The following RPS7 variants were observed in gnomAD, a reference collection of about 807,000 sequenced individuals.
RPS7 encodes the protein ribosomal protein S7.
Under a neutral mutation model 22.1 loss-of-function variants are expected in RPS7, and 1 was observed. The ratio of observed to expected loss-of-function variants is 0.05; its 90% CI spans 0.02 to 0.21. The LOEUF is 0.21. RPS7 is among the 10% of genes least tolerant of loss of function. RPS7 has a pLI of 1.00. For missense variants in RPS7, 137 were observed against 246.4 expected (o/e 0.56, Z 2.97); for synonymous variants, 80 against 92.0 (o/e 0.87, Z 0.74).
In RPS7 at chr2:3,575,449, G is replaced by A. The variant is rs1008229826; in HGVS notation, c.-19+99G>A. 1.7e-5 allele frequency: 11 copies of A among 650,546 alleles called. No individual in the cohort carries two copies. In the African/African-American group the frequency reaches 1.8e-4, roughly 11 times the overall value. The allele number at this position is 650,546 out of a possible 1,614,324, so 40.3% of individuals were successfully genotyped here. A position where few individuals can be genotyped will look rare whatever the true frequency, so the allele number is the denominator to read the frequency against. ...TGGAGGGGCGAGCCTTGCTCACAGG[G>A]TGGGGATACAGCCGATTACCCGCCC... On this transcript the variant is annotated intron_variant, in intron 1 of 6. Transcript: ENST00000645674.
chr2:3,575,567 G>T (rs935283879), intron 1 of RPS7, 25 bp from the exon 2 acceptor site: 6 of 1,569,176 alleles, frequency 3.8e-6, no homozygotes, highest in Non-Finnish European at 4.4e-6. Flanking sequence ...CCCGGGCCGC[G>T]TAACGCTGAC....
In RPS7 at chr2:3,576,597, G is replaced by T; in HGVS notation, c.258G>T (p.Lys86Asn). The T allele has an allele frequency of 6.2e-7, 1 of 1,614,190 alleles. No individual in the cohort carries two copies. Among genetic ancestry groups the T allele is most frequent in the Non-Finnish European group, 8.5e-7 (1 of 1,180,020 alleles). ...QVRLVRELEK[K>N]FSGKHVVFIA... ...GGCTAGTACGCGAATTGGAGAAAAA[G>T]TTCAGTGGGAAGCATGTCGTCTTTA... The change falls in exon 4 of 7, where the codon AAG becomes AAT. Residue 86 changes from lysine to asparagine, a missense_variant. Lys to Asn is a moderately conservative substitution (Grantham distance 94, BLOSUM62 0). This residue lies in a region of RPS7 where 74 missense variants were observed against 171.4 expected (regional missense o/e 0.43). Coordinates refer to ENST00000645674, the MANE Select transcript of RPS7 (RefSeq NM_001011.4).
At chr2:3,576,186 T>C in intron 3 of RPS7, 1 of 591,138 alleles carries the variant, frequency 1.7e-6, no homozygotes, top group Non-Finnish European at 3.0e-6. Flanking sequence ...GGCAAAGAGC[T>C]GTGGGGAGCT....
rs530845583 is a variant in RPS7, at chr2:3,575,363, C to G, written c.-19+13C>G. On this transcript the variant is annotated intron_variant, in intron 1 of 6. Coordinates refer to ENST00000645674, the MANE Select transcript of RPS7 (RefSeq NM_001011.4). ...GGCGCTCGGCAAGGTAGGTTGGCGG[C>G]CTGCTCTCCGACAGAACTTTTCTTC... is the stretch of plus-strand genomic sequence containing the variant. The G allele has an allele frequency of 3.6e-6, 2 of 549,214 alleles. No homozygotes were observed. The highest frequency in any genetic ancestry group is 2.0e-5 in the African/African-American group (1 of 49,972). The allele number at this position is 549,214 out of a possible 1,614,324, so 34.0% of individuals were successfully genotyped here. A position where few individuals can be genotyped will look rare whatever the true frequency, so the allele number is the denominator to read the frequency against.
In RPS7 at chr2:3,576,516, T is replaced by C; in HGVS notation, c.177T>C (p.Ala59=). 2 of 1,614,050 alleles carry C rather than the reference T, an allele frequency of 1.2e-6. No individual in the cohort carries two copies. Among genetic ancestry groups the C allele is most frequent in the Non-Finnish European group, 1.7e-6 (2 of 1,179,884 alleles). The change falls in exon 4 of 7, where the codon GCT becomes GCC. Residue 59 remains alanine (A), a synonymous_variant. Coordinates refer to ENST00000645674, the MANE Select transcript of RPS7 (RefSeq NM_001011.4). ...TTGAAGTTGGTGGTGGTCGGAAAGC[T>C]ATCATAATCTTTGTTCCCGTTCCTC... ...KEIEVGGGRK[A]IIIFVPVPQL... is the part of the protein sequence containing the mutation.
At chr2:3,578,921 C>G (rs953735241) in intron 5 of RPS7, 1 of 152,236 alleles carries the variant, frequency 6.6e-6, no homozygotes. Flanking sequence ...AGCCTTCACA[C>G]TAAGCCTAGC....
At chr2:3,575,460 G>C (rs1572357552) in intron 1 of RPS7, 110 bp downstream of exon 1, 2 of 674,320 alleles carry the variant, frequency 3.0e-6, no homozygotes, top group African/African-American at 3.6e-5. Flanking sequence ...TGGGGATACA[G>C]CCGATTACCC....
chr2:3,576,327 G>A (rs1465703843), intron 3 of RPS7, 160 bp from the exon 4 acceptor site: 3 of 739,700 alleles, frequency 4.1e-6, no homozygotes, highest in African/African-American at 3.5e-5. Context: ...GGAGAGAGAT[G>A]AGAACATTTC....
intron 6 of RPS7, 195 bp downstream of exon 6, chr2:3,580,455 G>C: frequency 2.9e-6 from 2 of 688,356 alleles, no homozygotes; most frequent in Non-Finnish European, 5.3e-6. Flanking sequence ...TTGAACACTT[G>C]AAATTCTCTG....
rs186304514 is a variant in RPS7 at position 3,575,283 on chromosome 2, C to G, written c.-86C>G. 3 of 419,858 alleles carry G rather than the reference C, an allele frequency of 7.1e-6. No individual in the cohort carries two copies. The highest frequency in any genetic ancestry group is 4.3e-5 in the African/African-American group (2 of 46,654). 26.0% of individuals were successfully genotyped at this position (419,858 alleles called of 1,614,324 possible). On this transcript the variant is annotated 5_prime_UTR_variant, in exon 1 of 7. Coordinates refer to ENST00000645674, the MANE Select transcript of RPS7 (RefSeq NM_001011.4). The stretch of plus-strand genomic sequence containing the variant: ...TCCTCGCGCTGTTTCCGCCTCTTGC[C>G]TTCGGACGCCGGATTTTGACGTGCT...
At chr2:3,579,049 T>G (rs1045656549) in intron 5 of RPS7, 2 of 152,192 alleles carry the variant, frequency 1.3e-5, no homozygotes, top group Admixed American at 6.5e-5. Context: ...AATTGATAGT[T>G]TTTGGGTATA....
chr2:3,576,295 G>T, intron 3 of RPS7, 192 bp from the exon 4 acceptor site: 1 of 669,402 alleles, frequency 1.5e-6, no homozygotes. Flanking sequence ...CTCCCTTCCT[G>T]GAATAAGGAA....
intron 1 of RPS7, 98 bp from the exon 2 acceptor site, chr2:3,575,494 T>G: frequency 1.3e-6 from 1 of 776,182 alleles, no homozygotes; most frequent in Non-Finnish European, 2.2e-6. Context: ...CGATGGCTTC[T>G]GCGGGGCGAG....
At chr2:3,576,098 C>T (rs1342885541) in intron 3 of RPS7, 3 of 620,460 alleles carry the variant, frequency 4.8e-6, no homozygotes, top group African/African-American at 3.7e-5. Context: ...TGTCCACATG[C>T]GGGCGGTGGA....
chr2:3,580,063 GAGGGCAGGC>G, intron 5 of RPS7, 38 bp from the exon 6 acceptor site: 1 of 1,604,490 alleles, frequency 6.2e-7, no homozygotes, highest in Non-Finnish European at 8.5e-7. Context: ...GAGTTGCCCA[GAGGGCAGGC>G]GTTGCTAGGT....
intron 4 of RPS7, 107 bp downstream of exon 4, chr2:3,576,737 A>G (rs1272775767): frequency 1.5e-6 from 2 of 1,298,722 alleles, no homozygotes; most frequent in Admixed American, 3.4e-5. Flanking sequence ...CCTTTTATGA[A>G]TCCAATTGGG....
intron 4 of RPS7, 38 bp from the exon 5 acceptor site, chr2:3,577,672 T>G (rs767858631): frequency 6.7e-7 from 1 of 1,485,518 alleles, no homozygotes. Flanking sequence ...ATTTAAAGTC[T>G]TTTTTCATTT....
chr2:3,580,664 C>T (rs1399537501), intron 6 of RPS7, 141 bp from the exon 7 acceptor site: 5 of 690,116 alleles, frequency 7.2e-6, no homozygotes, highest in East Asian at 5.4e-5. Flanking sequence ...TGTCCCCGGT[C>T]GTGAAGACTG....
chr2:3,576,437 G>T (rs772283560), intron 3 of RPS7, 50 bp from the exon 4 acceptor site: 3 of 1,555,322 alleles, frequency 1.9e-6, no homozygotes, highest in South Asian at 2.2e-5. Context: ...TGACCACAAC[G>T]TTTACTTTCT....
Sources: gnomAD v4.1 joint callset for allele counts on GRCh38, gnomAD v4.1.1 for gene constraint, gnomAD v4.1.1 regional missense constraint, MANE v1.5 for transcripts, NCBI Gene and HGNC (gene_info 2026-07-23, HGNC 2026-07-21) for gene names.